Variants in GALNS observed in about 807,000 individuals in gnomAD.
GALNS encodes N-acetylgalactosamine-6-sulfatase.
In GALNS, 65 loss-of-function variants were observed where a neutral mutation model predicts 65.9. That is an observed-to-expected ratio of 0.99 (90% CI 0.81 to 1.21). GALNS has a LOEUF of 1.21. GALNS is among the 50% of genes most tolerant of loss of function. The pLI is 0.00. For missense variants in GALNS, 776 were observed against 700.7 expected, an observed-to-expected ratio of 1.11 and a Z score of -1.21; for synonymous variants, 346 against 288.9, an observed-to-expected ratio of 1.20 and a Z score of -2.00.
At chr16:88,840,750 C>T (rs1025019709) in intron 4 of GALNS, 7 of 552,574 alleles carry the variant, frequency 1.3e-5, no homozygotes, top group Admixed American at 2.9e-5. Flanking sequence ...GACAGGCCTG[C>T]GGAGTCTGAT....
In GALNS at chr16:88,814,402, C is replaced by G. The variant is rs759983524; in HGVS notation, c.*37G>C. On this transcript the variant is annotated 3_prime_UTR_variant, in exon 14 of 14. Transcript: ENST00000268695. ...TTCCTCCAGGCACTTGCAGGGCCAA[C>G]CGGAGATTCTAGGCCTGGCCTGAGT... 1 of 1,550,352 alleles carries G rather than the reference C, an allele frequency of 6.5e-7. No individual in the cohort carries two copies. Among genetic ancestry groups the G allele is most frequent in the Admixed American group, 2.0e-5 (1 of 51,086 alleles).
At position 88,822,630 on chromosome 16, in the gene GALNS, G is replaced by A. The variant is rs368160993; in HGVS notation, c.1323C>T (p.Ile441=). ...NLEDHTKLPL[I]FHLGRDPGER... The stretch of plus-strand genomic sequence containing the variant: ...CCCCTGGGTCCCGTCCCAGGTGGAA[G>A]ATCAGGGGCAGCTTCGTGTGGTCTT... The change falls in exon 12 of 14, where the codon ATC becomes ATT. Residue 441 remains isoleucine (I), a synonymous_variant. Coordinates refer to ENST00000268695, the MANE Select transcript of GALNS (RefSeq NM_000512.5). 1 of 1,613,144 alleles carries A rather than the reference G, an allele frequency of 6.2e-7. No individual in the cohort carries two copies. Among genetic ancestry groups the A allele is most frequent in the Non-Finnish European group, 8.5e-7 (1 of 1,179,900 alleles).
chr16:88,825,844 A>C (rs1445531855), intron 10 of GALNS, among the ~76,000 whole-genome samples: 1 of 151,958 alleles, frequency 6.6e-6, no homozygotes, highest in Non-Finnish European at 1.5e-5. Context: ...AAGTGAGCAA[A>C]ACTCCCTCTA....
intron 1 of GALNS, chr16:88,856,184 T>G (rs888732722): frequency 1.4e-6 from 1 of 702,832 alleles, no homozygotes; most frequent in Non-Finnish European, 2.6e-6. Context: ...CTTTCAGTTC[T>G]TCAGACCTTA....
intron 7 of GALNS, 56 bp downstream of exon 7, chr16:88,835,669 G>A: frequency 1.9e-6 from 3 of 1,611,054 alleles, no homozygotes; most frequent in Non-Finnish European, 2.5e-6. Context: ...CATCTCTGGA[G>A]TCAAGCACAG....
intron 1 of GALNS, among the ~76,000 whole-genome samples, chr16:88,852,634 T>C (rs1431376177): frequency 1.3e-5 from 2 of 152,080 alleles, no homozygotes; most frequent in East Asian, 1.9e-4. Context: ...GCTAAAAACC[T>C]TGAAAAAAGA....
Position 88,842,846 on chromosome 16 carries a change from G to A in GALNS, c.121-17C>T, listed in dbSNP as rs758680485. 71 of 1,612,340 alleles carry A rather than the reference G, an allele frequency of 4.4e-5. 2 individuals carry two copies. In the South Asian group the frequency reaches 6.9e-4, roughly 16 times the overall value. The stretch of plus-strand genomic sequence containing the variant: ...CCATCCCATCTGCAGGGAAGAGCAC[G>A]GGGAGGAGGAATGAGCGCCTTCTGC... On this transcript the variant is annotated splice_polypyrimidine_tract_variant and intron_variant, in intron 1 of 13. Transcript: ENST00000268695.
intron 8 of GALNS, among the ~76,000 whole-genome samples, chr16:88,834,133 G>A (rs1446302757): frequency 6.6e-6 from 1 of 152,224 alleles, no homozygotes; most frequent in East Asian, 1.9e-4. Context: ...GCTGTCCGGA[G>A]GGCCTGCACG....
At chr16:88,820,862 C>G (rs375494794) in intron 12 of GALNS, among the ~76,000 whole-genome samples, 1 of 152,150 alleles carries the variant, frequency 6.6e-6, no homozygotes, top group Admixed American at 6.5e-5. Context: ...TGGCGGGCAC[C>G]GGTGTGGCCA....
At chr16:88,856,062 G>A (rs1474292132) in intron 1 of GALNS, 1 of 656,594 alleles carries the variant, frequency 1.5e-6, no homozygotes. Flanking sequence ...CCATGCCCCA[G>A]GCAGGCTCAT....
chr16:88,855,663 A>G (rs1967795694), intron 1 of GALNS: 1 of 599,634 alleles, frequency 1.7e-6, no homozygotes, highest in African/African-American at 1.9e-5. Context: ...ATTTAATAAA[A>G]TTGTTAAGTG....
At chr16:88,820,944 G>C (rs1243734458) in intron 12 of GALNS, among the ~76,000 whole-genome samples, 1 of 152,116 alleles carries the variant, frequency 6.6e-6, no homozygotes, top group Non-Finnish European at 1.5e-5. Context: ...CTTCCAGCTG[G>C]GGGGGCTGTT....
At chr16:88,827,354 T>G (rs1405564053) in intron 9 of GALNS, among the ~76,000 whole-genome samples, 1 of 152,192 alleles carries the variant, frequency 6.6e-6, no homozygotes, top group Non-Finnish European at 1.5e-5. Flanking sequence ...TTTCCCGCCG[T>G]GCCTTGACCT....
In GALNS at chr16:88,814,454, G is replaced by A. The variant is rs1363830460; in HGVS notation, c.1554C>T (p.Cys518=). The change falls in exon 14 of 14, where the codon TGC becomes TGT. Residue 518 remains cysteine, a synonymous_variant. Coordinates refer to ENST00000268695, the MANE Select transcript of GALNS (RefSeq NM_000512.5). The part of the protein sequence containing the change: ...LTPPESIPKK[C]LWSH ...TGCGCAGGTGCTAGTGGGACCAGAG[G>A]CACTTCTTGGGAATGGATTCTGGAG... 1.3e-6 allele frequency: 2 copies of A among 1,561,508 alleles called. No individual in the cohort carries two copies. Among genetic ancestry groups the A allele is most frequent in the Non-Finnish European group, 1.7e-6 (2 of 1,152,404 alleles).
chr16:88,829,955 G>A (rs1249406656), intron 9 of GALNS, among the ~76,000 whole-genome samples: 6 of 152,202 alleles, frequency 3.9e-5, no homozygotes, highest in South Asian at 2.1e-4. Flanking sequence ...AACAGGCGCC[G>A]GGCGCGGTGG....
intron 4 of GALNS, among the ~76,000 whole-genome samples, chr16:88,840,101 C>T (rs917460745): frequency 6.6e-6 from 1 of 152,226 alleles, no homozygotes; most frequent in Non-Finnish European, 1.5e-5. Flanking sequence ...ATCAGCTCTG[C>T]CCTGTGCTTT....
chr16:88,819,780 G>A (rs549651665), intron 12 of GALNS, among the ~76,000 whole-genome samples: 5 of 152,120 alleles, frequency 3.3e-5, no homozygotes, highest in African/African-American at 1.2e-4. Flanking sequence ...TGCAACCTCC[G>A]CCTCCCTGGT....
chr16:88,825,858 G>A lies in GALNS; in HGVS notation c.1139+844C>T, dbSNP rs1475214569. ...CAAGTGAGCAAAACTCCCTCTACCC[G>A]GCCCCAGATAGCCGGAGGCGGCAGC... On this transcript the variant is annotated intron_variant, in intron 10 of 13. Transcript: ENST00000268695. 7.2e-5 allele frequency among the ~76,000 whole-genome samples: 11 copies of A among 152,126 alleles called. No homozygotes were observed. In the East Asian group the frequency reaches 1.3e-3, roughly 19 times the overall value.
intron 9 of GALNS, among the ~76,000 whole-genome samples, chr16:88,829,310 G>A (rs968226271): frequency 1.3e-5 from 2 of 152,220 alleles, no homozygotes; most frequent in Non-Finnish European, 1.5e-5. Flanking sequence ...GGAGTGGAGG[G>A]GGCGGCACAG....
Sources: gnomAD v4.1 joint callset for allele counts (sites outside exome capture counted in the v4.1 genomes callset) on GRCh38, gnomAD v4.1.1 for gene constraint, MANE v1.5 for transcripts, NCBI Gene and HGNC (gene_info 2026-07-23, HGNC 2026-07-21) for gene names.